The following CTNNA3 variants were observed in gnomAD, a reference collection of about 807,000 sequenced individuals.
The protein encoded by CTNNA3 is catenin alpha 3.
A neutral mutation model predicts 95.7 loss-of-function variants in CTNNA3; 76 were observed. That is an observed-to-expected ratio of 0.79 (90% confidence interval 0.66 to 0.96). CTNNA3 has a LOEUF of 0.96. Ranked by LOEUF, CTNNA3 falls within the 40% of genes least tolerant of loss-of-function variation. The pLI is 0.00. For missense variants in CTNNA3, 1,191 were observed against 1,089.8 expected (o/e 1.09, Z -1.31); for synonymous variants, 431 against 374.4 (o/e 1.15, Z -1.74).
intron 5 of CTNNA3, among the ~76,000 whole-genome samples, chr10:67,348,572 C>G (rs575310257): frequency 2.0e-5 from 3 of 152,018 alleles, no homozygotes; most frequent in African/African-American, 4.8e-5. Flanking sequence ...AAAGGGGGAG[C>G]CTGCGTTTCA....
intron 2 of CTNNA3, among the ~76,000 whole-genome samples, chr10:67,637,239 C>T (rs1023419058): frequency 5.9e-5 from 9 of 152,000 alleles, no homozygotes; most frequent in Middle Eastern, 3.2e-3. Flanking sequence ...GCAGCTGATT[C>T]GATCAACTGG....
chr10:66,178,096 C>T (rs2085816425), intron 13 of CTNNA3, among the ~76,000 whole-genome samples: 3 of 151,470 alleles, frequency 2.0e-5, no homozygotes, highest in African/African-American at 7.3e-5. Flanking sequence ...TTTATAAACT[C>T]TTACCTGATT....
At chr10:66,473,583 G>A (rs982041777) in intron 11 of CTNNA3, among the ~76,000 whole-genome samples, 4 of 151,916 alleles carry the variant, frequency 2.6e-5, no homozygotes, top group Non-Finnish European at 4.4e-5. Flanking sequence ...TGTTACACAT[G>A]TATACATGTG....
chr10:66,754,873 T>C (rs1839303077), intron 9 of CTNNA3, among the ~76,000 whole-genome samples: 1 of 152,132 alleles, frequency 6.6e-6, no homozygotes, highest in African/African-American at 2.4e-5. Flanking sequence ...TGGTAGAGCC[T>C]GGCACCACTG....
At chr10:66,266,758 C>T (rs976424617) in intron 13 of CTNNA3, among the ~76,000 whole-genome samples, 15 of 152,054 alleles carry the variant, frequency 9.9e-5, no homozygotes, top group African/African-American at 2.2e-4. Flanking sequence ...AATACAAAAA[C>T]GCTTGTTCCA....
chr10:66,401,574 G>C (rs1368761643), intron 11 of CTNNA3, among the ~76,000 whole-genome samples: 2 of 144,932 alleles, frequency 1.4e-5, no homozygotes, highest in Non-Finnish European at 3.0e-5. Flanking sequence ...ATAGTAGCTG[G>C]CATTTAGTAG....
chr10:66,881,683 A>G (rs1844857195), intron 7 of CTNNA3, among the ~76,000 whole-genome samples: 1 of 152,108 alleles, frequency 6.6e-6, no homozygotes. Flanking sequence ...AATGACACTG[A>G]TCAGCAACTC....
intron 5 of CTNNA3, among the ~76,000 whole-genome samples, chr10:67,404,673 A>C (rs1258280447): frequency 6.6e-6 from 1 of 152,184 alleles, no homozygotes; most frequent in African/African-American, 2.4e-5. Flanking sequence ...ACCTACCTAC[A>C]GAAGCCAACA....
rs563010267 is a variant in CTNNA3 at position 66,621,481 on chromosome 10, A to T, written c.1374+211T>A. On this transcript the variant is annotated intron_variant, in intron 10 of 17. Coordinates refer to ENST00000433211, the MANE Select transcript of CTNNA3 (RefSeq NM_013266.4). ...TCTATTAAAAATACAGAAATTAGCCAGGCATGGTGGCGCATGCCTGTAATC... is the reference window on the plus strand; with the variant it reads ...TCTATTAAAAATACAGAAATTAGCCTGGCATGGTGGCGCATGCCTGTAATC... 3.2e-4 allele frequency among the ~76,000 whole-genome samples: 48 copies of T among 151,620 alleles called. No homozygotes were observed. In the South Asian group the frequency reaches 3.3e-3, roughly 10 times the overall value.
At chr10:66,367,516 A>G (rs2092718478) in intron 12 of CTNNA3, among the ~76,000 whole-genome samples, 1 of 149,752 alleles carries the variant, frequency 6.7e-6, no homozygotes, top group Non-Finnish European at 1.5e-5. Flanking sequence ...ATAGAAACAT[A>G]TGCACATATG....
At chr10:66,958,137 C>T (rs1429577601) in intron 7 of CTNNA3, among the ~76,000 whole-genome samples, 1 of 151,972 alleles carries the variant, frequency 6.6e-6, no homozygotes, top group East Asian at 1.9e-4. Flanking sequence ...CAGATAATCT[C>T]AGGAGTTTAT....
intron 7 of CTNNA3, among the ~76,000 whole-genome samples, chr10:67,033,134 C>A (rs547960369): frequency 6.6e-6 from 1 of 151,994 alleles, no homozygotes; most frequent in Non-Finnish European, 1.5e-5. Flanking sequence ...TGAAGGAAAC[C>A]GACTGATTTT....
At position 67,353,496 on chromosome 10, in the gene CTNNA3, G is replaced by T. The variant is rs574674136; in HGVS notation, c.580-133626C>A. ...GTTATGCACGTTACATAGTCTTAAA[G>T]ATTGCTAGTAATTCAATAGTTAAAT... On this transcript the variant is annotated intron_variant, in intron 5 of 17. Transcript: ENST00000433211. Among the ~76,000 whole-genome samples, 1,210 of 151,762 alleles carry T rather than the reference G, an allele frequency of 8.0e-3. 26 individuals carry two copies. The highest frequency in any genetic ancestry group is 0.028 in the African/African-American group (1,144 of 41,434).
chr10:66,666,469 G>A (rs1190781492), intron 9 of CTNNA3, among the ~76,000 whole-genome samples: 1 of 152,046 alleles, frequency 6.6e-6, no homozygotes, highest in Admixed American at 6.6e-5. Flanking sequence ...TAAAGCAACT[G>A]TTAAAAAATT....
chr10:67,023,450 C>A lies in CTNNA3; in HGVS notation c.1047+156867G>T, dbSNP rs544970743. On this transcript the variant is annotated intron_variant, in intron 7 of 17. Coordinates refer to ENST00000433211, the MANE Select transcript of CTNNA3 (RefSeq NM_013266.4). ...CAATCCACCAGGCTTATCCATGGAT[C>A]TTCTATAGAGAACGATGACTAAAAT... Among the ~76,000 whole-genome samples, 169 of 152,206 alleles carry A rather than the reference C, an allele frequency of 1.1e-3. 3 individuals are homozygous for A. In the South Asian group the frequency reaches 0.019, roughly 17 times the overall value.
intron 11 of CTNNA3, among the ~76,000 whole-genome samples, chr10:66,424,935 G>C (rs1472291193): frequency 6.6e-6 from 1 of 151,960 alleles, no homozygotes; most frequent in Non-Finnish European, 1.5e-5. Context: ...GTGCAACAAA[G>C]CAAGACCCAT....
In CTNNA3 at chr10:67,470,647, A is replaced by G. The variant is rs1024121863; in HGVS notation, c.579+51195T>C. Among the ~76,000 whole-genome samples, 7 of 151,264 alleles carry G rather than the reference A, an allele frequency of 4.6e-5. No individual in the cohort carries two copies. The South Asian group carries it at 6.3e-4, about 14-fold the overall frequency. On this transcript the variant is annotated intron_variant, in intron 5 of 17. Coordinates refer to ENST00000433211, the MANE Select transcript of CTNNA3 (RefSeq NM_013266.4). ...GTGTTATTTGGCAAGTTTGCAACAC[A>G]CACACACACACACACACACACCGCA...
At chr10:66,335,284 C>T (rs2092381507) in intron 12 of CTNNA3, among the ~76,000 whole-genome samples, 4 of 152,088 alleles carry the variant, frequency 2.6e-5, no homozygotes, top group Admixed American at 1.3e-4. Context: ...GAGCTGCATT[C>T]CTTTGGAGGA....
chr10:66,671,259 C>T (rs4143860), intron 9 of CTNNA3, among the ~76,000 whole-genome samples: 36,073 of 151,944 alleles, frequency 0.24, 5,586 homozygotes, highest in East Asian at 0.56. Flanking sequence ...TAAAATATGA[C>T]GCAATAACAA....
Sources: gnomAD v4.1 joint callset for allele counts (sites outside exome capture counted in the v4.1 genomes callset) on GRCh38, gnomAD v4.1.1 for gene constraint, MANE v1.5 for transcripts, NCBI Gene and HGNC (gene_info 2026-07-23, HGNC 2026-07-21) for gene names.